COL10A1: variants seen among roughly 807,000 people sequenced by gnomAD.
COL10A1 encodes collagen type X alpha 1 chain.
COL10A1 carries 10 observed loss-of-function variants against 18.2 expected under a neutral mutation model. The observed-to-expected ratio is 0.55, with a 90% CI of 0.34 to 0.93. The LOEUF (loss-of-function observed/expected upper bound fraction) is 0.93. COL10A1 is among the 40% of genes least tolerant of loss of function. The pLI, the probability that COL10A1 is intolerant of heterozygous loss-of-function variation, is 0.02. For synonymous variants in COL10A1, 330 were observed against 316.6 expected (o/e 1.04, Z -0.45); for missense variants, 897 against 853.5 (o/e 1.05, Z -0.64).
chr6:116,182,553 T>C, the COL10A1 span, among the ~76,000 whole-genome samples: 831 of 152,220 alleles, frequency 5.5e-3, 6 homozygotes, highest in Non-Finnish European at 8.8e-3. Context: ...CACCTATTTT[T>C]TTTTATTTTT....
the COL10A1 span, among the ~76,000 whole-genome samples, chr6:116,177,053 A>G: frequency 3.9e-5 from 6 of 152,306 alleles, no homozygotes; most frequent in African/African-American, 1.4e-4. Context: ...CTAAAATCTG[A>G]AGTTTTGATT....
At position 116,119,510 on chromosome 6, in the gene COL10A1, G is replaced by GAT. The variant is rs1779040461; in HGVS notation, c.*561_*562dup. ...ATATATGCACCTGTATATTTGAATA[G>GAT]ATATTGATGAAAGGGGCCATACAGG... is the stretch of plus-strand genomic sequence containing the variant. On this transcript the variant is annotated 3_prime_UTR_variant, in exon 3 of 3. Transcript: ENST00000651968. 6.5e-6 allele frequency: 1 copy of GAT among 153,248 alleles called. No homozygotes were observed. Among genetic ancestry groups the GAT allele is most frequent in the African/African-American group, 2.4e-5 (1 of 41,428 alleles). The allele number at this position is 153,248 out of a possible 1,614,324, so 9.5% of individuals were successfully genotyped here. A position where few individuals can be genotyped will look rare whatever the true frequency, so the allele number is the denominator to read the frequency against.
chr6:116,185,585 T>C, the COL10A1 span, among the ~76,000 whole-genome samples: 2 of 152,096 alleles, frequency 1.3e-5, no homozygotes, highest in African/African-American at 4.8e-5. Context: ...GTGATGTTTT[T>C]CTGTTGGACT....
At position 116,121,815 on chromosome 6, in the gene COL10A1, C is replaced by A. The variant is rs771383148; in HGVS notation, c.301G>T (p.Gly101Ter). 1 of 1,613,798 alleles carries A rather than the reference C, an allele frequency of 6.2e-7. No individual in the cohort carries two copies. Among genetic ancestry groups the A allele is most frequent in the Non-Finnish European group, 8.5e-7 (1 of 1,179,906 alleles). Residue 101 changes from glycine to a stop codon, truncating the protein, a stop_gained, in exon 3 of 3, where the codon GGA (glycine) becomes TGA (stop). Transcript: ENST00000651968. LOFTEE classifies it low-confidence loss of function (END_TRUNC). ...CCTGGTTTCCCTACAGCTGATGGTC[C>A]CGGTGGTCCTGGCAACCCTGGCTCT... Reference protein sequence around the residue: ...QGEPGLPGPPGPSAVGKPGVP... With the variant: ...QGEPGLPGPP
At chr6:116,211,868 A>G in the COL10A1 span, among the ~76,000 whole-genome samples, 2 of 152,034 alleles carry the variant, frequency 1.3e-5, no homozygotes. Context: ...AAAGCTAGAG[A>G]GCCTACACCT....
intron 1 of COL10A1, among the ~76,000 whole-genome samples, chr6:116,138,840 G>A (rs982513266): frequency 6.6e-6 from 1 of 152,100 alleles, no homozygotes; most frequent in Non-Finnish European, 1.5e-5. Context: ...ATGATATTGA[G>A]AGAGTAAGAA....
chr6:116,148,157 A>G (rs899404192), intron 1 of COL10A1, among the ~76,000 whole-genome samples: 4 of 152,198 alleles, frequency 2.6e-5, no homozygotes, highest in African/African-American at 7.2e-5. Flanking sequence ...TATTCCTTGT[A>G]TAAGGATAGA....
chr6:116,157,248 T>A (rs1349631005), intron 1 of COL10A1, among the ~76,000 whole-genome samples: 1 of 152,204 alleles, frequency 6.6e-6, no homozygotes, highest in Non-Finnish European at 1.5e-5. Flanking sequence ...CCATATCTCT[T>A]GAGTTAATTA....
At position 116,120,711 on chromosome 6, in the gene COL10A1, G is replaced by A; in HGVS notation, c.1405C>T (p.Pro469Ser). The A allele has an allele frequency of 6.4e-7, 1 of 1,562,002 alleles. No individual in the cohort carries two copies. Among genetic ancestry groups the A allele is most frequent in the Non-Finnish European group, 8.6e-7 (1 of 1,159,758 alleles). Reference sequence around the variant, plus strand: ...GGGCCAGGAGGACCGGGACTTCCTGGATCCCCTTTAGACCCAGGGAATCCT... The same window carrying A: ...GGGCCAGGAGGACCGGGACTTCCTGAATCCCCTTTAGACCCAGGGAATCCT... ...IPGFPGSKGD[P>S]GSPGPPGPAG... The change falls in exon 3 of 3, where the codon CCA becomes TCA. Residue 469 changes from proline (P) to serine (S), a missense_variant. Pro to Ser is a moderately conservative substitution (Grantham distance 74). Coordinates refer to ENST00000651968, the MANE Select transcript of COL10A1 (RefSeq NM_000493.4).
chr6:116,200,989 G>A, the COL10A1 span, among the ~76,000 whole-genome samples: 1 of 151,924 alleles, frequency 6.6e-6, no homozygotes, highest in South Asian at 2.1e-4. Flanking sequence ...GTTCTCAAGA[G>A]GAATGGAAAA....
chr6:116,209,094 TA>T, the COL10A1 span, among the ~76,000 whole-genome samples: 1 of 152,048 alleles, frequency 6.6e-6, no homozygotes, highest in Admixed American at 6.6e-5. Context: ...TACTTTCTAG[TA>T]ATAGTGCATT....
chr6:116,137,612 C>T, intron 1 of COL10A1: 1 of 213,290 alleles, frequency 4.7e-6, no homozygotes, highest in South Asian at 8.7e-5. Context: ...CCCCGTGCCT[C>T]AGTAGTGGGA....
the COL10A1 span, among the ~76,000 whole-genome samples, chr6:116,212,593 CTT>C: frequency 6.6e-6 from 1 of 152,100 alleles, no homozygotes; most frequent in Non-Finnish European, 1.5e-5. Flanking sequence ...ACAGTGCACT[CTT>C]GTGATAAAAT....
At chr6:116,184,905 T>C in the COL10A1 span, among the ~76,000 whole-genome samples, 2 of 152,038 alleles carry the variant, frequency 1.3e-5, no homozygotes, top group East Asian at 3.9e-4. Flanking sequence ...ATTATTTCTT[T>C]TCTTCTGCTG....
At chr6:116,131,869 T>A (rs1490294829) in intron 1 of COL10A1, among the ~76,000 whole-genome samples, 1 of 152,122 alleles carries the variant, frequency 6.6e-6, no homozygotes, top group Non-Finnish European at 1.5e-5. Context: ...TGTTCCTCTC[T>A]ATGTGTCCAT....
At chr6:116,207,333 T>C in the COL10A1 span, among the ~76,000 whole-genome samples, 102 of 148,658 alleles carry the variant, frequency 6.9e-4, no homozygotes, top group Non-Finnish European at 1.2e-3. Context: ...ATGTTTTCTT[T>C]TTTATGGTGG....
At chr6:116,195,113 A>G in the COL10A1 span, among the ~76,000 whole-genome samples, 5 of 152,190 alleles carry the variant, frequency 3.3e-5, no homozygotes, top group Middle Eastern at 3.4e-3. Context: ...CCTATGTCAC[A>G]TTATATTTTA....
At chr6:116,176,189 G>C in the COL10A1 span, among the ~76,000 whole-genome samples, 1 of 152,134 alleles carries the variant, frequency 6.6e-6, no homozygotes, top group Admixed American at 6.6e-5. Flanking sequence ...CTAGAGTGTT[G>C]TTGCCTAGTG....
the COL10A1 span, among the ~76,000 whole-genome samples, chr6:116,200,003 G>GGC: frequency 7.9e-5 from 12 of 150,984 alleles, no homozygotes; most frequent in African/African-American, 2.7e-4. Context: ...GGAAAGTGGG[G>GGC]GGGGAAGAGT....
Sources: gnomAD v4.1 joint callset for allele counts (sites outside exome capture counted in the v4.1 genomes callset) on GRCh38, gnomAD v4.1.1 for gene constraint, MANE v1.5 for transcripts, NCBI Gene and HGNC (gene_info 2026-07-23, HGNC 2026-07-21) for gene names.